CLTCL1: variants seen among roughly 807,000 people sequenced by gnomAD.
CLTCL1 encodes the protein clathrin heavy chain 2.
CLTCL1 carries 159 observed loss-of-function variants against 190.0 expected under a neutral mutation model. The ratio of observed to expected loss-of-function variants is 0.84; its 90% CI spans 0.74 to 0.95. CLTCL1 has a LOEUF of 0.95. Ranked by LOEUF, CLTCL1 falls within the 40% of genes least tolerant of loss-of-function variation. The probability of loss-of-function intolerance (pLI) is 0.00; values close to 1 mark genes in which losing one functional copy is unlikely to be tolerated. For synonymous variants in CLTCL1, 752 were observed against 769.6 expected (o/e 0.98, Z 0.38); for missense variants, 1,878 against 2,033.4 (o/e 0.92, Z 1.47).
chr22:19,218,613 A>G (rs1435708251), intron 18 of CLTCL1, among the ~76,000 whole-genome samples: 6 of 152,182 alleles, frequency 3.9e-5, no homozygotes, highest in Admixed American at 6.5e-5. Flanking sequence ...TCCTATTCTC[A>G]GGGCTGAAGC....
intron 27 of CLTCL1, among the ~76,000 whole-genome samples, chr22:19,188,914 C>T (rs149037723): frequency 9.2e-5 from 14 of 151,624 alleles, no homozygotes; most frequent in African/African-American, 2.2e-4. Context: ...TGCGCCCAGC[C>T]GGCAATTTCT....
chr22:19,253,966 G>A lies in CLTCL1; in HGVS notation c.512C>T (p.Ser171Leu), dbSNP rs782540681. 9.9e-6 allele frequency: 16 copies of A among 1,612,092 alleles called. No homozygotes were observed. Among genetic ancestry groups the A allele is most frequent in the East Asian group, 4.5e-5 (2 of 44,810 alleles). Residue 171 changes from serine (S) to leucine (L), a missense_variant, in exon 3 of 33, where the codon TCG becomes TTG. Physicochemically the swap from Ser to Leu is moderately radical, Grantham distance 145. Coordinates refer to ENST00000427926, the MANE Select transcript of CLTCL1 (RefSeq NM_007098.4). ...AGGCAGCTCAAGGCTTACCTGAGCC[G>A]AGATGCCTACGAGCAGCAGCCACTT... ...YQKWLLLVGI[S>L]AQQNRVVGAM... is the part of the protein sequence containing the mutation.
chr22:19,191,582 C>A, intron 26 of CLTCL1, 147 bp from the exon 27 acceptor site: 1 of 932,444 alleles, frequency 1.1e-6, no homozygotes, highest in African/African-American at 1.6e-5. Context: ...AAGGTGCCTC[C>A]TCTCATCCCT....
At chr22:19,188,692 T>G (rs2084395009) in intron 27 of CLTCL1, among the ~76,000 whole-genome samples, 2 of 150,812 alleles carry the variant, frequency 1.3e-5, no homozygotes, top group South Asian at 4.2e-4. Context: ...GCTCACTGCA[T>G]CCTCTGCCTC....
Position 19,275,770 on chromosome 22 carries a change from C to A in CLTCL1, c.103G>T (p.Asp35Tyr). ...IGFSTLTMES[D>Y]KFICIREKVG... ...TTCTCTCGGATACATATGAACTTGTCAGATTCCATGGTCAGTGTGCTGAAT... is the reference window on the plus strand; with the variant it reads ...TTCTCTCGGATACATATGAACTTGTAAGATTCCATGGTCAGTGTGCTGAAT... Residue 35 changes from aspartate (D) to tyrosine (Y), a missense_variant, in exon 2 of 33, where the codon GAC becomes TAC. Transcript: ENST00000427926. 1 of 1,610,026 alleles carries A rather than the reference C, an allele frequency of 6.2e-7. No homozygotes were observed. Among genetic ancestry groups the A allele is most frequent in the East Asian group, 2.2e-5 (1 of 44,800 alleles).
At chr22:19,256,513 C>T (rs922621280) in intron 2 of CLTCL1, among the ~76,000 whole-genome samples, 5 of 151,822 alleles carry the variant, frequency 3.3e-5, no homozygotes, top group Admixed American at 6.6e-5. Flanking sequence ...CATGCCATCA[C>T]GCCCACCTAA....
At chr22:19,229,771 A>G in intron 11 of CLTCL1, 67 bp downstream of exon 11, 1 of 1,487,326 alleles carries the variant, frequency 6.7e-7, no homozygotes, top group Non-Finnish European at 8.9e-7. Flanking sequence ...CACTGTGCTC[A>G]AGTCTGCAAA....
chr22:19,183,189 A>AT, intron 30 of CLTCL1: 1 of 569,336 alleles, frequency 1.8e-6, no homozygotes. Context: ...CCCCATGATG[A>AT]TTTTCTGGAG....
chr22:19,234,313 G>A lies in CLTCL1; in HGVS notation c.1167+196C>T, dbSNP rs548488373. On this transcript the variant is annotated intron_variant, in intron 7 of 32. Transcript: ENST00000427926. The stretch of plus-strand genomic sequence containing the variant: ...CACAAAGTGGGAGGCGTGAAGAAGT[G>A]CCGATGCAGCAAGAGTGTGTTTTTT... Among the ~76,000 whole-genome samples the A allele has an allele frequency of 2.0e-5, 3 of 152,200 alleles. No individual in the cohort carries two copies. In the South Asian group the frequency reaches 6.2e-4, roughly 31 times the overall value.
At position 19,233,573 on chromosome 22, in the gene CLTCL1, G is replaced by A. The variant is rs1024898584; in HGVS notation, c.1217C>T (p.Ala406Val). Residue 406 changes from alanine to valine, a missense_variant, in exon 8 of 33, where the codon GCT becomes GTT. Transcript: ENST00000427926. ...ETVQKFQSIP[A>V]QSGQASPLLQ... The stretch of plus-strand genomic sequence containing the variant: ...CAATGGAGAAGCCTGGCCAGACTGA[G>A]CGGGTATACTCTGGAATTTCTGGAC... 5.0e-6 allele frequency: 8 copies of A among 1,613,654 alleles called. No individual in the cohort carries two copies. In the Admixed American group the frequency reaches 1.2e-4, roughly 24 times the overall value.
intron 1 of CLTCL1, among the ~76,000 whole-genome samples, chr22:19,281,877 A>G (rs1356986670): frequency 6.6e-6 from 1 of 152,210 alleles, no homozygotes; most frequent in African/African-American, 2.4e-5. Flanking sequence ...GCATACATAC[A>G]CATGTATGGC....
At chr22:19,204,127 C>T (rs148489662) in intron 22 of CLTCL1, among the ~76,000 whole-genome samples, 3 of 152,336 alleles carry the variant, frequency 2.0e-5, no homozygotes, top group East Asian at 1.9e-4. Context: ...AGAGGGGTTC[C>T]GCTGACCCCT....
intron 26 of CLTCL1, among the ~76,000 whole-genome samples, chr22:19,194,401 G>A (rs1029456853): frequency 6.6e-6 from 1 of 152,186 alleles, no homozygotes; most frequent in East Asian, 1.9e-4. Context: ...AGAATCGCTC[G>A]AGGCTGGGAG....
chr22:19,272,582 C>T (rs144742130), intron 2 of CLTCL1, among the ~76,000 whole-genome samples: 318 of 152,120 alleles, frequency 2.1e-3, no homozygotes, highest in African/African-American at 7.3e-3. Flanking sequence ...GTGATTCTCC[C>T]GCCTCAGCCT....
chr22:19,274,677 A>G (rs1189599824), intron 2 of CLTCL1, among the ~76,000 whole-genome samples: 1 of 151,126 alleles, frequency 6.6e-6, no homozygotes, highest in African/African-American at 2.4e-5. Flanking sequence ...CAAAGCTAAT[A>G]TTTGGCATTC....
intron 1 of CLTCL1, among the ~76,000 whole-genome samples, chr22:19,282,069 G>A (rs955792094): frequency 6.7e-5 from 10 of 148,598 alleles, no homozygotes; most frequent in Non-Finnish European, 1.0e-4. Context: ...GGTGGCTCAC[G>A]CCTATAATCC....
intron 27 of CLTCL1, among the ~76,000 whole-genome samples, chr22:19,189,892 T>C (rs2084433369): frequency 6.6e-6 from 1 of 152,204 alleles, no homozygotes; most frequent in Non-Finnish European, 1.5e-5. Context: ...GCATTTATCA[T>C]TTCTTTGTGT....
At chr22:19,255,748 A>T (rs373949911) in intron 2 of CLTCL1, among the ~76,000 whole-genome samples, 77 of 151,556 alleles carry the variant, frequency 5.1e-4, no homozygotes, top group Non-Finnish European at 7.5e-4. Flanking sequence ...CGTCTCTACT[A>T]AAAATACGAA....
chr22:19,197,756 C>T (rs1353071773), intron 24 of CLTCL1, among the ~76,000 whole-genome samples: 8 of 152,126 alleles, frequency 5.3e-5, no homozygotes, highest in Admixed American at 1.3e-4. Context: ...CCCTGCTGAC[C>T]GGCCCCTCCT....
Sources: allele counts gnomAD v4.1 joint callset (sites outside exome capture counted in the v4.1 genomes callset), GRCh38; gene constraint gnomAD v4.1.1; transcripts MANE v1.5; gene names NCBI Gene and HGNC (gene_info 2026-07-23, HGNC 2026-07-21).